Variants in ADAM19 observed in about 807,000 individuals in gnomAD.
ADAM19 encodes the protein disintegrin and metalloproteinase domain-containing protein 19.
Under a neutral mutation model 114.7 loss-of-function variants are expected in ADAM19, and 65 were observed. The ratio of observed to expected loss-of-function variants is 0.57; its 90% CI spans 0.46 to 0.70. The LOEUF (loss-of-function observed/expected upper bound fraction) is 0.70, where lower values mean the gene tolerates loss of function less well. Ranked by LOEUF, ADAM19 falls within the 30% of genes least tolerant of loss-of-function variation. ADAM19 has a pLI of 0.00. For missense variants in ADAM19, 1,063 were observed against 1,204.7 expected (o/e 0.88, Z 1.74); for synonymous variants, 466 against 460.5 (o/e 1.01, Z -0.15).
Position 157,513,520 on chromosome 5 carries a change from C to A in ADAM19, c.667-15G>T. 6.2e-7 allele frequency: 1 copy of A among 1,612,738 alleles called. No homozygotes were observed. Among genetic ancestry groups the A allele is most frequent in the Non-Finnish European group, 8.5e-7 (1 of 1,178,782 alleles). On this transcript the variant is annotated splice_polypyrimidine_tract_variant and intron_variant, in intron 7 of 22. Coordinates refer to ENST00000257527, the MANE Select transcript of ADAM19 (RefSeq NM_033274.5). ...TTCTTCTGAAACTAAATGGGACAAG[C>A]AGAACCATGTGAGATCCCAGAACCT...
chr5:157,484,398 T>C (rs1250777411), intron 21 of ADAM19, among the ~76,000 whole-genome samples: 1 of 152,124 alleles, frequency 6.6e-6, no homozygotes, highest in Non-Finnish European at 1.5e-5. Flanking sequence ...ACGTATTAGT[T>C]GATCCATTGT....
intron 2 of ADAM19, among the ~76,000 whole-genome samples, chr5:157,564,700 G>A (rs182901383): frequency 3.3e-5 from 5 of 152,298 alleles, no homozygotes; most frequent in African/African-American, 9.6e-5. Flanking sequence ...TATGTGGTGC[G>A]GTGAAGGGAA....
rs189781149 is a variant in ADAM19, at chr5:157,519,843, C to T, written c.596G>A (p.Arg199His). Residue 199 changes from arginine to histidine, a missense_variant, in exon 6 of 23, where the codon CGC (arginine) becomes CAC (histidine). Around this residue, in one of 3 missense-constraint regions of ADAM19, gnomAD observed 615 missense variants for 706.3 expected, o/e 0.87. Coordinates refer to ENST00000257527, the MANE Select transcript of ADAM19 (RefSeq NM_033274.5). ...QFTQQTKKRP[R>H]RMKREDLNSM... ...ACTGAGAGCCTCAAAACTCACCCTGCGAGGTCGCTTCTTGGTCTGTTGTGT... is the reference window on the plus strand; with the variant it reads ...ACTGAGAGCCTCAAAACTCACCCTGTGAGGTCGCTTCTTGGTCTGTTGTGT... The T allele has an allele frequency of 1.4e-4, 221 of 1,609,206 alleles. No homozygotes were observed. The East Asian group carries it at 3.1e-3, about 22-fold the overall frequency.
At chr5:157,547,523 T>C (rs1459229126) in intron 3 of ADAM19, among the ~76,000 whole-genome samples, 1 of 152,186 alleles carries the variant, frequency 6.6e-6, no homozygotes, top group Non-Finnish European at 1.5e-5. Flanking sequence ...CACCATGGGG[T>C]AGCATAGCAA....
At chr5:157,503,351 A>G (rs1233844759) in intron 11 of ADAM19, among the ~76,000 whole-genome samples, 2 of 152,176 alleles carry the variant, frequency 1.3e-5, no homozygotes, top group Admixed American at 6.5e-5. Flanking sequence ...GTAGGGTAGC[A>G]AGAGGCGGGG....
At chr5:157,518,987 C>T in intron 6 of ADAM19, 99 bp from the exon 7 acceptor site, 1 of 974,292 alleles carries the variant, frequency 1.0e-6, no homozygotes, top group Non-Finnish European at 1.6e-6. Flanking sequence ...GCAGCAGCTA[C>T]CTCCGTAATG....
At position 157,505,817 on chromosome 5, in the gene ADAM19, A is replaced by C; in HGVS notation, c.991-9T>G. 1 of 1,613,072 alleles carries C rather than the reference A, an allele frequency of 6.2e-7. No individual in the cohort carries two copies. The highest frequency in any genetic ancestry group is 8.5e-7 in the Non-Finnish European group (1 of 1,179,272). ...GCATTCTCGGAGTGGTCCTGCTCAGAAGACAGAGTTGAGGTCAAGGTCAAG... is the reference window on the plus strand; with the variant it reads ...GCATTCTCGGAGTGGTCCTGCTCAGCAGACAGAGTTGAGGTCAAGGTCAAG... On this transcript the variant is annotated splice_polypyrimidine_tract_variant and intron_variant, in intron 10 of 22. Transcript: ENST00000257527.
intron 1 of ADAM19, among the ~76,000 whole-genome samples, chr5:157,575,241 C>CAGAG (rs1368202635): frequency 6.6e-6 from 1 of 152,142 alleles, no homozygotes; most frequent in African/African-American, 2.4e-5. Context: ...GAGAGAAAGA[C>CAGAG]AGAGAGAGAG....
rs1213107586 is a variant in ADAM19, at chr5:157,555,481, CTT to C, written c.251+8890_251+8891del. Among the ~76,000 whole-genome samples, 4 of 152,232 alleles carry C rather than the reference CTT, an allele frequency of 2.6e-5. No individual in the cohort carries two copies. The East Asian group carries it at 7.7e-4, about 29-fold the overall frequency. ...ATTATTGCTCAATATGTTTTTTTCT[CTT>C]GTCATTTTCATGCTTGAAGAAAGCT... is the stretch of plus-strand genomic sequence containing the variant. On this transcript the variant is annotated intron_variant, in intron 3 of 22. Transcript: ENST00000257527.
rs888123253 is a variant in ADAM19 at position 157,480,797 on chromosome 5, T to G, written c.*152A>C. The G allele has an allele frequency of 4.1e-6, 6 of 1,473,400 alleles. No homozygotes were observed. Among genetic ancestry groups the G allele is most frequent in the Non-Finnish European group, 5.4e-6 (6 of 1,118,226 alleles). The allele number at this position is 1,473,400 out of a possible 1,614,324, so 91.3% of individuals were successfully genotyped here. On this transcript the variant is annotated 3_prime_UTR_variant, in exon 23 of 23. Transcript: ENST00000257527. ...CCAAGGAAGCCGAGGAGGCACTGAG[T>G]CAACAGGGAGATTTTTGGAGATGTG...
At chr5:157,546,844 A>C (rs887607366) in intron 3 of ADAM19, among the ~76,000 whole-genome samples, 3 of 152,058 alleles carry the variant, frequency 2.0e-5, no homozygotes, top group African/African-American at 7.2e-5. Flanking sequence ...TAAAGACCCC[A>C]TTTCTCCTTC....
At chr5:157,507,782 C>T (rs988473932) in intron 9 of ADAM19, among the ~76,000 whole-genome samples, 1 of 152,138 alleles carries the variant, frequency 6.6e-6, no homozygotes, top group Non-Finnish European at 1.5e-5. Flanking sequence ...GCTTCATTTT[C>T]CCCAGTTGAA....
At chr5:157,513,889 C>T (rs922191317) in intron 7 of ADAM19, among the ~76,000 whole-genome samples, 6 of 152,222 alleles carry the variant, frequency 3.9e-5, no homozygotes, top group South Asian at 2.1e-4. Flanking sequence ...CAACATGAAG[C>T]CACCATTACA....
chr5:157,542,732 G>A (rs1472424386), intron 3 of ADAM19, among the ~76,000 whole-genome samples: 2 of 152,246 alleles, frequency 1.3e-5, no homozygotes, highest in Non-Finnish European at 2.9e-5. Flanking sequence ...TTGAACTCGG[G>A]AGGCGGAAGC....
intron 7 of ADAM19, among the ~76,000 whole-genome samples, chr5:157,514,824 A>C (rs1358577484): frequency 6.6e-6 from 1 of 152,220 alleles, no homozygotes; most frequent in Non-Finnish European, 1.5e-5. Flanking sequence ...TACAACTGCA[A>C]ATTACATTTA....
At position 157,479,951 on chromosome 5, in the gene ADAM19, A is replaced by G; in HGVS notation, c.*998T>C. On this transcript the variant is annotated 3_prime_UTR_variant, in exon 23 of 23. Transcript: ENST00000257527. The stretch of plus-strand genomic sequence containing the variant: ...AGGTCACAAAACACAATGAAAAATA[A>G]ACATATGACCCCAATGGCCATGCCC... The G allele has an allele frequency of 1.0e-6, 1 of 985,902 alleles. No homozygotes were observed. Among genetic ancestry groups the G allele is most frequent in the Non-Finnish European group, 1.2e-6 (1 of 829,988 alleles). 61.1% of individuals were successfully genotyped at this position (985,902 alleles called of 1,614,324 possible).
chr5:157,542,731 G>C (rs1473486005), intron 3 of ADAM19, among the ~76,000 whole-genome samples: 1 of 152,216 alleles, frequency 6.6e-6, no homozygotes. Flanking sequence ...CTTGAACTCG[G>C]GAGGCGGAAG....
At chr5:157,481,517 G>A (rs1300536215) in intron 22 of ADAM19, 15 of 1,185,010 alleles carry the variant, frequency 1.3e-5, no homozygotes, top group Admixed American at 2.7e-5. Context: ...ACAGACTCAA[G>A]AGGGACTTGC....
chr5:157,525,237 T>C (rs1756419575), intron 5 of ADAM19, among the ~76,000 whole-genome samples: 1 of 152,144 alleles, frequency 6.6e-6, no homozygotes, highest in Admixed American at 6.5e-5. Flanking sequence ...AGGTAGCATT[T>C]ATGATCCATT....
Sources: allele counts gnomAD v4.1 joint callset (sites outside exome capture counted in the v4.1 genomes callset), GRCh38; gene constraint gnomAD v4.1.1; regional missense constraint gnomAD v4.1.1; transcripts MANE v1.5; gene names NCBI Gene and HGNC (gene_info 2026-07-23, HGNC 2026-07-21).